Variants in UTP25 observed in about 807,000 individuals in gnomAD.
The protein encoded by UTP25 is U3 small nucleolar RNA-associated protein 25 homolog.
In UTP25, 50 loss-of-function variants were observed where a neutral mutation model predicts 78.9. That is an observed-to-expected ratio of 0.63 (90% CI 0.50 to 0.80). UTP25 has a LOEUF of 0.80. UTP25 is among the 30% of genes least tolerant of loss of function. The probability of loss-of-function intolerance (pLI) is 0.00; values close to 1 mark genes in which losing one functional copy is unlikely to be tolerated. For synonymous variants in UTP25, 329 were observed against 336.5 expected, an observed-to-expected ratio of 0.98 and a Z score of 0.24; for missense variants, 846 against 911.3, an observed-to-expected ratio of 0.93 and a Z score of 0.92.
At chr1:209,850,496 T>TA (rs1425580427) in intron 11 of UTP25, among the ~76,000 whole-genome samples, 1 of 152,220 alleles carries the variant, frequency 6.6e-6, no homozygotes, top group Non-Finnish European at 1.5e-5. Flanking sequence ...TGTCAACATA[T>TA]AAAATCTTTT....
chr1:209,845,109 C>A (rs671109), intron 11 of UTP25, among the ~76,000 whole-genome samples: 150,361 of 152,354 alleles, frequency 0.99, 74,206 homozygotes, highest in Middle Eastern at 1. Context: ...CGTCCTTGTT[C>A]CCAGGATGGG....
chr1:209,844,032 T>C lies in UTP25; in HGVS notation c.2027+336T>C, dbSNP rs893725888. The C allele has an allele frequency of 8.4e-5, 20 of 238,840 alleles. 1 individual carries two copies. The South Asian group carries it at 1.5e-3, about 18-fold the overall frequency. The allele number at this position is 238,840 out of a possible 1,614,324, so 14.8% of individuals were successfully genotyped here. A position where few individuals can be genotyped will look rare whatever the true frequency, so the allele number is the denominator to read the frequency against. On this transcript the variant is annotated intron_variant, in intron 11 of 11. Coordinates refer to ENST00000491415, the MANE Select transcript of UTP25 (RefSeq NM_014388.7). The stretch of plus-strand genomic sequence containing the variant: ...GGGGAGGGACCTTCCCTGTATTCAC[T>C]TGAGTTGTCCCTGTCTAGACTTTTT...
chr1:209,840,813 G>C (rs1174870857), intron 7 of UTP25, 40 bp from the exon 8 acceptor site: 2 of 1,603,424 alleles, frequency 1.2e-6, no homozygotes, highest in Admixed American at 3.3e-5. Flanking sequence ...TGGCTTGGTA[G>C]TGACTAATGA....
intron 6 of UTP25, among the ~76,000 whole-genome samples, chr1:209,837,416 C>T (rs1157833309): frequency 6.6e-6 from 1 of 152,194 alleles, no homozygotes; most frequent in Non-Finnish European, 1.5e-5. Flanking sequence ...GTGGATGTAG[C>T]TGGAAACTTG....
chr1:209,830,588 A>G lies in UTP25; in HGVS notation c.148-215A>G, dbSNP rs192000335. ...AAACCTGTGGCCTAATGCCTGGGAC[A>G]TAAATTAAATCTCATAACCTGAAGT... On this transcript the variant is annotated intron_variant, in intron 2 of 11. Transcript: ENST00000491415. Among the ~76,000 whole-genome samples the G allele has an allele frequency of 1.2e-4, 19 of 152,280 alleles. No homozygotes were observed. The East Asian group carries it at 3.5e-3, about 28-fold the overall frequency.
chr1:209,831,303 AG>A (rs2078102502), intron 3 of UTP25, among the ~76,000 whole-genome samples: 1 of 152,242 alleles, frequency 6.6e-6, no homozygotes. Flanking sequence ...CCTAATACAG[AG>A]GAAGGAGAAC....
At chr1:209,836,688 G>T in intron 5 of UTP25, 113 bp from the exon 6 acceptor site, 1 of 1,178,924 alleles carries the variant, frequency 8.5e-7, no homozygotes, top group Non-Finnish European at 1.2e-6. Context: ...CTGTTGTGAG[G>T]ATTAAATGAG....
rs1056339771 is a variant in UTP25 at position 209,842,429 on chromosome 1, T to C, written c.1650T>C (p.Cys550=). The change falls in exon 9 of 12, where the codon TGT becomes TGC. Residue 550 remains cysteine (C), a synonymous_variant. Transcript: ENST00000491415. ...TCAACTCAGTGTTCAACAAGTACTGTGTCAACATGCAAGGCCAGGTGGGTT... is the reference window on the plus strand; with the variant it reads ...TCAACTCAGTGTTCAACAAGTACTGCGTCAACATGCAAGGCCAGGTGGGTT... ...AQINSVFNKY[C]VNMQGQVAVR... is the part of the protein sequence containing the mutation. The C allele has an allele frequency of 1.9e-6, 3 of 1,614,044 alleles. No homozygotes were observed. The highest frequency in any genetic ancestry group is 1.3e-5 in the African/African-American group (1 of 74,932).
At position 209,830,673 on chromosome 1, in the gene UTP25, T is replaced by A. The variant is rs573900625; in HGVS notation, c.148-130T>A. 4.0e-5 allele frequency: 56 copies of A among 1,415,020 alleles called. No homozygotes were observed. The African/African-American group carries it at 7.5e-4, about 19-fold the overall frequency. The allele number at this position is 1,415,020 out of a possible 1,614,324, so 87.7% of individuals were successfully genotyped here. A position where few individuals can be genotyped will look rare whatever the true frequency, so the allele number is the denominator to read the frequency against. ...AGCATATGAAGAGCTTCTAGAATCA[T>A]AGCTAGATTAGCAATTTTAAGTAAA... On this transcript the variant is annotated intron_variant, in intron 2 of 11. Transcript: ENST00000491415.
chr1:209,837,838 A>T (rs2078142786), intron 6 of UTP25, among the ~76,000 whole-genome samples: 1 of 152,212 alleles, frequency 6.6e-6, no homozygotes, highest in Non-Finnish European at 1.5e-5. Flanking sequence ...TCATGATGTT[A>T]TAGAACCAGG....
In UTP25 at chr1:209,843,607, G is replaced by A; in HGVS notation, c.1938G>A (p.Gln646=). Residue 646 remains glutamine, a synonymous_variant, in exon 11 of 12, where the codon CAG becomes CAA. Transcript: ENST00000491415. ...TTACCCACATCTGCGAGTACACGCAGAAGTCTGGTGTCTCCAGGGCCAGAC... is the reference window on the plus strand; with the variant it reads ...TTACCCACATCTGCGAGTACACGCAAAAGTCTGGTGTCTCCAGGGCCAGAC... ...LNFTHICEYT[Q]KSGVSRARHF... is the part of the protein sequence containing the mutation. 6.2e-7 allele frequency: 1 copy of A among 1,614,182 alleles called. No individual in the cohort carries two copies. Among genetic ancestry groups the A allele is most frequent in the East Asian group, 2.2e-5 (1 of 44,884 alleles).
Position 209,851,313 on chromosome 1 carries a change from G to T in UTP25, c.2137G>T (p.Ala713Ser). The change falls in exon 12 of 12, where the codon GCC becomes TCC. Residue 713 changes from alanine (A) to serine (S), a missense_variant. Physicochemically the swap from Ala to Ser is moderately conservative, Grantham distance 99. Transcript: ENST00000491415. Reference sequence around the variant, plus strand: ...GAGAGCCACCAACAGAGGAGAAGAGGCCACGTGGACCTGCACTGTTCTCTA... The same window carrying T: ...GAGAGCCACCAACAGAGGAGAAGAGTCCACGTGGACCTGCACTGTTCTCTA... The part of the protein sequence containing the change: ...MLRATNRGEE[A>S]TWTCTVLYSK... 6.2e-7 allele frequency: 1 copy of T among 1,614,198 alleles called. No homozygotes were observed. Among genetic ancestry groups the T allele is most frequent in the Non-Finnish European group, 8.5e-7 (1 of 1,180,028 alleles).
intron 1 of UTP25, among the ~76,000 whole-genome samples, chr1:209,828,422 CGG>C (rs1486141209): frequency 2.0e-5 from 2 of 101,654 alleles, no homozygotes; most frequent in African/African-American, 7.6e-5. Flanking sequence ...TTTTTTAAGA[CGG>C]TGTTTCGCTC....
At chr1:209,840,580 G>A (rs2078161332) in intron 7 of UTP25, among the ~76,000 whole-genome samples, 1 of 152,208 alleles carries the variant, frequency 6.6e-6, no homozygotes, top group Non-Finnish European at 1.5e-5. Context: ...AGTGAGAAGT[G>A]AAGGAGAGAT....
At chr1:209,841,732 G>T (rs2078167953) in intron 8 of UTP25, among the ~76,000 whole-genome samples, 1 of 152,146 alleles carries the variant, frequency 6.6e-6, no homozygotes, top group Admixed American at 6.5e-5. Context: ...ATGAAGGGTA[G>T]AACTTACTTC....
intron 1 of UTP25, among the ~76,000 whole-genome samples, chr1:209,828,708 G>C (rs1408383929): frequency 6.8e-6 from 1 of 147,704 alleles, no homozygotes; most frequent in Non-Finnish European, 1.5e-5. Flanking sequence ...CCAGCTATGG[G>C]GGCGGATTTT....
In UTP25 at chr1:209,835,155, G is replaced by C; in HGVS notation, c.643G>C (p.Glu215Gln). Residue 215 changes from glutamate to glutamine, a missense_variant, in exon 5 of 12, where the codon GAG becomes CAG. Glu to Gln is a conservative substitution (Grantham distance 29). Coordinates refer to ENST00000491415, the MANE Select transcript of UTP25 (RefSeq NM_014388.7). ...AVATNPKTTH[E>Q]LKWPILGQLF... Reference sequence around the variant, plus strand: ...TGCCACAAATCCCAAAACTACCCACGAGCTTAAAGTAAGTGTTGCTTGGTC... The same window carrying C: ...TGCCACAAATCCCAAAACTACCCACCAGCTTAAAGTAAGTGTTGCTTGGTC... The C allele has an allele frequency of 6.2e-7, 1 of 1,613,290 alleles. No individual in the cohort carries two copies.
chr1:209,851,363 A>G lies in UTP25; in HGVS notation c.2187A>G (p.Leu729=). The G allele has an allele frequency of 6.2e-7, 1 of 1,614,220 alleles. No individual in the cohort carries two copies. The highest frequency in any genetic ancestry group is 8.5e-7 in the Non-Finnish European group (1 of 1,180,030). The change falls in exon 12 of 12, where the codon TTA becomes TTG. Residue 729 remains leucine (L), a synonymous_variant. Coordinates refer to ENST00000491415, the MANE Select transcript of UTP25 (RefSeq NM_014388.7). ...ACTCCAAATATGATGCCCAGAGGTT[A>G]GCTGCCGTGGTTGGTGTGGAGCGGG... The part of the protein sequence containing the change: ...VLYSKYDAQR[L]AAVVGVERAA...
intron 8 of UTP25, among the ~76,000 whole-genome samples, chr1:209,841,785 T>C (rs1219864068): frequency 6.6e-6 from 1 of 152,228 alleles, no homozygotes; most frequent in Non-Finnish European, 1.5e-5. Flanking sequence ...CCCTTCAATA[T>C]CTATTACAAG....
Sources: allele counts gnomAD v4.1 joint callset (sites outside exome capture counted in the v4.1 genomes callset), GRCh38; gene constraint gnomAD v4.1.1; transcripts MANE v1.5; gene names NCBI Gene and HGNC (gene_info 2026-07-23, HGNC 2026-07-21).